The following L3MBTL4 variants were observed in gnomAD, a reference collection of about 807,000 sequenced individuals.
L3MBTL4 encodes L3MBTL histone methyl-lysine binding protein 4.
Under a neutral mutation model 84.5 loss-of-function variants are expected in L3MBTL4, and 70 were observed. That is an observed-to-expected ratio of 0.83 (90% CI 0.68 to 1.01). The LOEUF (loss-of-function observed/expected upper bound fraction) is 1.01, where lower values mean the gene tolerates loss of function less well. Among genes scored for constraint, L3MBTL4 ranks in the 50% least tolerant of loss-of-function variants. The probability of loss-of-function intolerance (pLI) is 0.00; values close to 1 mark genes in which losing one functional copy is unlikely to be tolerated. For missense variants in L3MBTL4, 715 were observed against 754.8 expected (o/e 0.95, Z 0.62); for synonymous variants, 274 against 259.8 (o/e 1.05, Z -0.52).
chr18:5,977,280 C>G (rs1406072767), intron 16 of L3MBTL4, among the ~76,000 whole-genome samples: 6 of 152,208 alleles, frequency 3.9e-5, no homozygotes. Context: ...GGCAGGCCTC[C>G]GTCTCCTCAT....
intron 4 of L3MBTL4, among the ~76,000 whole-genome samples, chr18:6,278,591 C>T (rs1054986028): frequency 1.3e-5 from 2 of 152,106 alleles, no homozygotes; most frequent in African/African-American, 4.8e-5. Context: ...GGTTTCATTT[C>T]TTGGCTTTAC....
chr18:5,976,460 G>C (rs1056318034), intron 16 of L3MBTL4, among the ~76,000 whole-genome samples: 3 of 152,208 alleles, frequency 2.0e-5, no homozygotes, highest in Admixed American at 1.3e-4. Flanking sequence ...CACCCTGGGT[G>C]CAGGAAGAGG....
At chr18:6,391,883 G>A (rs990035203) in intron 1 of L3MBTL4, among the ~76,000 whole-genome samples, 1 of 152,090 alleles carries the variant, frequency 6.6e-6, no homozygotes, top group African/African-American at 2.4e-5. Flanking sequence ...CACATCACAT[G>A]CTCATGGATG....
chr18:6,386,242 G>A (rs549401839), intron 1 of L3MBTL4, among the ~76,000 whole-genome samples: 1 of 152,254 alleles, frequency 6.6e-6, no homozygotes, highest in Admixed American at 6.5e-5. Context: ...AAAAATATTT[G>A]AGAAAATGTG....
intron 1 of L3MBTL4, among the ~76,000 whole-genome samples, chr18:6,327,612 T>C (rs755224981): frequency 3.9e-5 from 6 of 152,134 alleles, no homozygotes; most frequent in South Asian, 2.1e-4. Flanking sequence ...AACGACAGCA[T>C]AGCAATTATG....
Position 5,962,200 on chromosome 18 carries a change from G to C in L3MBTL4, c.1615-2044C>G, listed in dbSNP as rs528421813. Reference sequence around the variant, plus strand: ...CTTGAGAGAGGTAGGAAGGCTATGGGTGTTAGGAAGGGACTGCACAAATCT... The same window carrying C: ...CTTGAGAGAGGTAGGAAGGCTATGGCTGTTAGGAAGGGACTGCACAAATCT... On this transcript the variant is annotated intron_variant, in intron 17 of 18. Coordinates refer to ENST00000317931, the MANE Select transcript of L3MBTL4 (RefSeq NM_001330559.2). Among the ~76,000 whole-genome samples the C allele has an allele frequency of 2.2e-4, 34 of 152,270 alleles. 1 individual carries two copies. Among genetic ancestry groups the C allele is most frequent in the African/African-American group, 7.9e-4 (33 of 41,540 alleles).
intron 16 of L3MBTL4, among the ~76,000 whole-genome samples, chr18:6,067,290 T>C (rs1449946006): frequency 6.6e-6 from 1 of 152,198 alleles, no homozygotes; most frequent in African/African-American, 2.4e-5. Flanking sequence ...GATGATCTTT[T>C]TGCAATGAAT....
At chr18:6,176,887 T>C (rs1407288767) in intron 12 of L3MBTL4, among the ~76,000 whole-genome samples, 1 of 152,084 alleles carries the variant, frequency 6.6e-6, no homozygotes, top group African/African-American at 2.4e-5. Context: ...ATAAACAAAC[T>C]TTTAACATCT....
rs747945199 is a variant in L3MBTL4 at position 6,239,851 on chromosome 18, A to G, written c.574T>C (p.Phe192Leu). Reference protein sequence around the residue: ...RSPNGPMSKEFQVGMKLEAVD... With the variant: ...RSPNGPMSKELQVGMKLEAVD... ...GCCTCCAGCTTCATTCCAACCTGAA[A>G]TTCTTTAGACATTGGCCCATTCTAA... Residue 192 changes from phenylalanine (F) to leucine (L), a missense_variant, in exon 9 of 19, where the codon TTT (phenylalanine) becomes CTT (leucine). Transcript: ENST00000317931. The G allele has an allele frequency of 1.9e-6, 3 of 1,614,044 alleles. No homozygotes were observed. Among genetic ancestry groups the G allele is most frequent in the Non-Finnish European group, 2.5e-6 (3 of 1,180,036 alleles).
chr18:6,407,721 C>T lies in L3MBTL4; in HGVS notation c.-91+7080G>A, dbSNP rs548343224. ...TGAGTAAGCTTGTCACTAGTTGACACAAAATCACTCATCCTTTATTCACTG... is the reference window on the plus strand; with the variant it reads ...TGAGTAAGCTTGTCACTAGTTGACATAAAATCACTCATCCTTTATTCACTG... On this transcript the variant is annotated intron_variant, in intron 1 of 18. Coordinates refer to ENST00000317931, the MANE Select transcript of L3MBTL4 (RefSeq NM_001330559.2). Among the ~76,000 whole-genome samples the T allele has an allele frequency of 5.9e-5, 9 of 152,314 alleles. No homozygotes were observed. In the East Asian group the frequency reaches 1.7e-3, roughly 29 times the overall value.
At position 5,972,882 on chromosome 18, in the gene L3MBTL4, T is replaced by C. The variant is rs7505540; in HGVS notation, c.1445-3320A>G. On this transcript the variant is annotated intron_variant, in intron 16 of 18. Coordinates refer to ENST00000317931, the MANE Select transcript of L3MBTL4 (RefSeq NM_001330559.2). ...TAGTATAGAATAGAATAGAATAGAA[T>C]AGAACAGAAGAGAATAGAATAGAAT... Among the ~76,000 whole-genome samples, 919 of 33,084 alleles carry C rather than the reference T, an allele frequency of 0.028. 37 individuals are homozygous for C. The East Asian group carries it at 0.34, about 12-fold the overall frequency. The allele number at this position is 33,084 out of a possible 152,430, so 21.7% of individuals were successfully genotyped here. A position where few individuals can be genotyped will look rare whatever the true frequency, so the allele number is the denominator to read the frequency against.
chr18:5,956,767 A>G (rs564368479), intron 18 of L3MBTL4, among the ~76,000 whole-genome samples: 4 of 152,374 alleles, frequency 2.6e-5, no homozygotes, highest in Admixed American at 1.3e-4. Flanking sequence ...CAATGTGTAT[A>G]TGCTAGTATT....
intron 1 of L3MBTL4, among the ~76,000 whole-genome samples, chr18:6,324,052 C>T (rs1378875839): frequency 6.6e-6 from 1 of 152,226 alleles, no homozygotes; most frequent in Non-Finnish European, 1.5e-5. Context: ...AGCCATGGCT[C>T]AAAGGGGCTC....
chr18:5,999,383 C>T (rs1001197283), intron 16 of L3MBTL4, among the ~76,000 whole-genome samples: 3 of 152,226 alleles, frequency 2.0e-5, no homozygotes, highest in African/African-American at 7.2e-5. Flanking sequence ...CTATGCTACC[C>T]TGTAACTGTA....
chr18:6,360,039 T>C (rs2053614102), intron 1 of L3MBTL4, among the ~76,000 whole-genome samples: 1 of 152,156 alleles, frequency 6.6e-6, no homozygotes, highest in South Asian at 2.1e-4. Context: ...ATGAATACAG[T>C]ACTTATAGAG....
intron 1 of L3MBTL4, among the ~76,000 whole-genome samples, chr18:6,358,596 G>C (rs954784477): frequency 2.0e-5 from 3 of 152,208 alleles, no homozygotes; most frequent in Admixed American, 2.0e-4. Flanking sequence ...GTGACACCTG[G>C]TCAAGCTACT....
intron 14 of L3MBTL4, among the ~76,000 whole-genome samples, chr18:6,100,500 T>A (rs2058788216): frequency 6.6e-6 from 1 of 152,232 alleles, no homozygotes; most frequent in African/African-American, 2.4e-5. Context: ...TTCATGGCCT[T>A]TTCTCACTCA....
At chr18:6,016,606 T>C (rs930468845) in intron 16 of L3MBTL4, among the ~76,000 whole-genome samples, 2 of 152,208 alleles carry the variant, frequency 1.3e-5, no homozygotes, top group African/African-American at 2.4e-5. Flanking sequence ...ACCCAATATG[T>C]AGCTTTTTAT....
intron 4 of L3MBTL4, among the ~76,000 whole-genome samples, chr18:6,277,577 T>C (rs1234263190): frequency 3.3e-5 from 5 of 152,208 alleles, no homozygotes; most frequent in Non-Finnish European, 7.4e-5. Context: ...TGAGATTCTG[T>C]TTTACAAGTG....
Sources: gnomAD v4.1 joint callset for allele counts (sites outside exome capture counted in the v4.1 genomes callset) on GRCh38, gnomAD v4.1.1 for gene constraint, MANE v1.5 for transcripts, NCBI Gene and HGNC (gene_info 2026-07-23, HGNC 2026-07-21) for gene names.